SHQ1: variants seen among roughly 807,000 people sequenced by gnomAD.
The protein encoded by SHQ1 is protein SHQ1 homolog.
A neutral mutation model predicts 53.8 loss-of-function variants in SHQ1; 49 were observed. The ratio of observed to expected loss-of-function variants is 0.91; its 90% confidence interval spans 0.72 to 1.16. The LOEUF (loss-of-function observed/expected upper bound fraction) is 1.16. SHQ1 is among the 50% of genes most tolerant of loss of function. The probability of loss-of-function intolerance (pLI) is 0.00; values close to 1 mark genes in which losing one functional copy is unlikely to be tolerated. For missense variants in SHQ1, 738 were observed against 683.1 expected, an observed-to-expected ratio of 1.08 and a Z score of -0.90; for synonymous variants, 243 against 251.0, an observed-to-expected ratio of 0.97 and a Z score of 0.30.
intron 6 of SHQ1, among the ~76,000 whole-genome samples, chr3:72,821,200 T>C (rs17010188): frequency 0.22 from 33,147 of 152,102 alleles, 3,831 homozygotes; most frequent in Non-Finnish European, 0.24. Context: ...ACACTGACAG[T>C]TATCTCTACA....
At chr3:72,838,063 A>G (rs1189573000) in intron 4 of SHQ1, among the ~76,000 whole-genome samples, 1 of 152,272 alleles carries the variant, frequency 6.6e-6, no homozygotes, top group Non-Finnish European at 1.5e-5. Context: ...TTAGAAAGGT[A>G]ACATGGTGCA....
At chr3:72,847,742 G>A (rs1372348033) in intron 1 of SHQ1, among the ~76,000 whole-genome samples, 1 of 152,136 alleles carries the variant, frequency 6.6e-6, no homozygotes, top group Non-Finnish European at 1.5e-5. Flanking sequence ...GGAGCGGACA[G>A]ACAAGAGATA....
At chr3:72,737,755 T>G in the SHQ1 span, among the ~76,000 whole-genome samples, 1 of 152,220 alleles carries the variant, frequency 6.6e-6, no homozygotes, top group Non-Finnish European at 1.5e-5. Flanking sequence ...TATGGAATTA[T>G]CCTTTTTATT....
intron 8 of SHQ1, among the ~76,000 whole-genome samples, chr3:72,814,184 T>C (rs1707231354): frequency 6.6e-6 from 1 of 152,198 alleles, no homozygotes; most frequent in South Asian, 2.1e-4. Flanking sequence ...TTAAAAATCA[T>C]AAATAGGTGA....
At chr3:72,840,678 A>G (rs1708154046) in intron 4 of SHQ1, among the ~76,000 whole-genome samples, 1 of 152,256 alleles carries the variant, frequency 6.6e-6, no homozygotes, top group South Asian at 2.1e-4. Context: ...ATTTATATAC[A>G]GAAAAGAAGA....
At chr3:72,832,833 G>C (rs1707864141) in intron 4 of SHQ1, among the ~76,000 whole-genome samples, 1 of 152,168 alleles carries the variant, frequency 6.6e-6, no homozygotes, top group African/African-American at 2.4e-5. Context: ...CTAGAGATTT[G>C]AAAGTTATTA....
the SHQ1 span, among the ~76,000 whole-genome samples, chr3:72,734,108 C>T: frequency 1.1e-4 from 17 of 150,998 alleles, no homozygotes; most frequent in Non-Finnish European, 2.4e-4. Flanking sequence ...TGCAGTGAGC[C>T]GAGATCTTGC....
intron 6 of SHQ1, among the ~76,000 whole-genome samples, chr3:72,818,206 C>G (rs1446645210): frequency 6.6e-6 from 1 of 152,024 alleles, no homozygotes; most frequent in African/African-American, 2.4e-5. Flanking sequence ...ATACCTCTGG[C>G]AAATCCCTAA....
rs567060491 is a variant in SHQ1 at position 72,829,904 on chromosome 3, C to A, written c.599+2465G>T. The stretch of plus-strand genomic sequence containing the variant: ...TATTTGGGAAGAAGAAAACCAAACA[C>A]TCTCAGCAAGAGAAGTATGAATACT... On this transcript the variant is annotated intron_variant, in intron 5 of 10. Coordinates refer to ENST00000325599, the MANE Select transcript of SHQ1 (RefSeq NM_018130.3). Among the ~76,000 whole-genome samples, 27 of 152,204 alleles carry A rather than the reference C, an allele frequency of 1.8e-4. No homozygotes were observed. In the East Asian group the frequency reaches 2.9e-3, roughly 16 times the overall value.
intron 10 of SHQ1, among the ~76,000 whole-genome samples, chr3:72,775,919 T>C (rs891245922): frequency 1.3e-5 from 2 of 152,096 alleles, no homozygotes; most frequent in African/African-American, 4.8e-5. Context: ...AAAGCAAATA[T>C]CATATTTAAT....
chr3:72,798,272 C>A (rs1311003081), intron 9 of SHQ1, among the ~76,000 whole-genome samples: 1 of 152,130 alleles, frequency 6.6e-6, no homozygotes, highest in African/African-American at 2.4e-5. Flanking sequence ...CTCTCCAGGA[C>A]GTTAAATCCC....
chr3:72,848,191 A>C lies in SHQ1; in HGVS notation c.143+7T>G. 6.2e-7 allele frequency: 1 copy of C among 1,614,178 alleles called. No individual in the cohort carries two copies. Among genetic ancestry groups the C allele is most frequent in the Non-Finnish European group, 8.5e-7 (1 of 1,180,024 alleles). On this transcript the variant is annotated splice_region_variant and intron_variant, in intron 1 of 10. Coordinates refer to ENST00000325599, the MANE Select transcript of SHQ1 (RefSeq NM_018130.3). Reference sequence around the variant, plus strand: ...GCCTTTCCTGCGGCCAGGCACCCCGAACTCGCCTGAGAAAGTATGGCTTGG... The same window carrying C: ...GCCTTTCCTGCGGCCAGGCACCCCGCACTCGCCTGAGAAAGTATGGCTTGG...
chr3:72,843,048 G>C (rs1193147370), intron 2 of SHQ1, among the ~76,000 whole-genome samples: 1 of 150,472 alleles, frequency 6.6e-6, no homozygotes, highest in Non-Finnish European at 1.5e-5. Flanking sequence ...CTGCACTCCA[G>C]CCTGGGCAAC....
At chr3:72,827,855 C>T (rs548222434) in intron 5 of SHQ1, among the ~76,000 whole-genome samples, 4 of 150,620 alleles carry the variant, frequency 2.7e-5, no homozygotes, top group Admixed American at 6.6e-5. Flanking sequence ...CCTGGGTTCA[C>T]GCCATTCTCC....
chr3:72,786,764 C>T (rs548190081), intron 10 of SHQ1, among the ~76,000 whole-genome samples: 1 of 152,270 alleles, frequency 6.6e-6, no homozygotes, highest in Non-Finnish European at 1.5e-5. Flanking sequence ...TTCCCAGCAC[C>T]TATCTCACCA....
chr3:72,818,678 A>G (rs769656495), intron 6 of SHQ1, among the ~76,000 whole-genome samples: 1 of 152,204 alleles, frequency 6.6e-6, no homozygotes, highest in Non-Finnish European at 1.5e-5. Context: ...CTTCTGTCCA[A>G]CAGAATACGA....
chr3:72,841,349 C>G, intron 3 of SHQ1, 150 bp from the exon 4 acceptor site: 1 of 492,522 alleles, frequency 2.0e-6, no homozygotes, highest in African/African-American at 2.1e-5. Context: ...CTATTCGTGA[C>G]AGCAAAAAAA....
chr3:72,776,265 T>A (rs951402935), intron 10 of SHQ1, among the ~76,000 whole-genome samples: 2 of 152,242 alleles, frequency 1.3e-5, no homozygotes, highest in Admixed American at 6.5e-5. Flanking sequence ...GAACTACATA[T>A]GGTGGTCCCA....
chr3:72,806,877 C>G (rs144238323), intron 9 of SHQ1, among the ~76,000 whole-genome samples: 1 of 152,120 alleles, frequency 6.6e-6, no homozygotes, highest in Non-Finnish European at 1.5e-5. Context: ...GCACTTACCA[C>G]GGCTGACTAT....
Sources: allele counts gnomAD v4.1 joint callset (sites outside exome capture counted in the v4.1 genomes callset), GRCh38; gene constraint gnomAD v4.1.1; transcripts MANE v1.5; gene names NCBI Gene and HGNC (gene_info 2026-07-23, HGNC 2026-07-21).